The following KATNIP variants were observed in gnomAD, a reference collection of about 807,000 sequenced individuals.
The protein encoded by KATNIP is katanin interacting protein.
KATNIP carries 126 observed loss-of-function variants against 174.0 expected under a neutral mutation model. That is an observed-to-expected ratio of 0.72 (90% CI 0.63 to 0.84). KATNIP has a LOEUF of 0.84. Among genes scored for constraint, KATNIP ranks in the 40% least tolerant of loss-of-function variants. The pLI is 0.00. For synonymous variants in KATNIP, 810 were observed against 835.7 expected (o/e 0.97, Z 0.53); for missense variants, 1,958 against 2,109.7 (o/e 0.93, Z 1.41).
Position 27,618,539 on chromosome 16 carries a change from C to T in KATNIP, c.140+38C>T, listed in dbSNP as rs368000379. On this transcript the variant is annotated intron_variant, in intron 3 of 27. Coordinates refer to ENST00000261588, the MANE Select transcript of KATNIP (RefSeq NM_015202.5). ...ACTCGACGGCAGCCCTTGATATTAG[C>T]GAAGTAAAAATCTATTTAGATTTAT... 5.7e-4 allele frequency: 818 copies of T among 1,436,238 alleles called. 2 individuals are homozygous for T. The highest frequency in any genetic ancestry group is 7.2e-4 in the South Asian group (63 of 87,230). 89.0% of individuals were successfully genotyped at this position (1,436,238 alleles called of 1,614,324 possible).
chr16:27,775,476 C>T (rs1249442372), intron 24 of KATNIP, among the ~76,000 whole-genome samples: 1 of 152,230 alleles, frequency 6.6e-6, no homozygotes, highest in Non-Finnish European at 1.5e-5. Flanking sequence ...ACGGTTTCTG[C>T]CCCTTCCTAC....
intron 3 of KATNIP, among the ~76,000 whole-genome samples, chr16:27,620,694 G>A (rs994344969): frequency 2.6e-5 from 4 of 152,214 alleles, no homozygotes; most frequent in African/African-American, 9.7e-5. Flanking sequence ...CATTGAGGGA[G>A]ATGAAAACCC....
intron 14 of KATNIP, among the ~76,000 whole-genome samples, chr16:27,737,195 T>C (rs2080927866): frequency 6.6e-6 from 1 of 151,892 alleles, no homozygotes; most frequent in Admixed American, 6.6e-5. Context: ...CTGGACAACA[T>C]AGTGAGACCC....
chr16:27,650,277 G>C (rs2077080568), intron 6 of KATNIP, among the ~76,000 whole-genome samples: 1 of 152,200 alleles, frequency 6.6e-6, no homozygotes, highest in Non-Finnish European at 1.5e-5. Flanking sequence ...CAAGGAGCAG[G>C]ATGCAGGCAC....
At chr16:27,749,027 C>T (rs1418215799) in intron 15 of KATNIP, among the ~76,000 whole-genome samples, 3 of 152,266 alleles carry the variant, frequency 2.0e-5, no homozygotes, top group South Asian at 4.1e-4. Context: ...TTTGAAAACA[C>T]CGTTAGAGTC....
At chr16:27,556,524 C>G (rs2089635415) in intron 1 of KATNIP, among the ~76,000 whole-genome samples, 1 of 152,176 alleles carries the variant, frequency 6.6e-6, no homozygotes. Context: ...CACTGCTCCC[C>G]TAGAGCAAAT....
At chr16:27,658,167 A>G (rs899806863) in intron 6 of KATNIP, among the ~76,000 whole-genome samples, 1 of 152,204 alleles carries the variant, frequency 6.6e-6, no homozygotes, top group Non-Finnish European at 1.5e-5. Flanking sequence ...GCACTCAGCC[A>G]TTGTTCCCTT....
At chr16:27,653,481 T>TGAAG (rs1482561337) in intron 6 of KATNIP, among the ~76,000 whole-genome samples, 1 of 151,870 alleles carries the variant, frequency 6.6e-6, no homozygotes, top group Admixed American at 6.6e-5. Context: ...TTCGTTCCAG[T>TGAAG]GATGAGACTT....
intron 6 of KATNIP, among the ~76,000 whole-genome samples, chr16:27,671,464 A>G (rs1181349293): frequency 6.6e-6 from 1 of 152,232 alleles, no homozygotes; most frequent in Non-Finnish European, 1.5e-5. Flanking sequence ...TCTCTCATTG[A>G]TAACCATGTG....
chr16:27,648,829 T>G (rs2077039736), intron 6 of KATNIP, 94 bp downstream of exon 6: 11 of 1,350,096 alleles, frequency 8.1e-6, no homozygotes, highest in Middle Eastern at 2.5e-4. Flanking sequence ...GACAGTTATT[T>G]ATTCTGTCCT....
At chr16:27,667,126 G>T (rs1355779792) in intron 6 of KATNIP, among the ~76,000 whole-genome samples, 1 of 152,100 alleles carries the variant, frequency 6.6e-6, no homozygotes, top group Non-Finnish European at 1.5e-5. Flanking sequence ...TTCGAGACCA[G>T]CCTGGGCAAC....
At chr16:27,593,397 C>T (rs891243848) in intron 2 of KATNIP, among the ~76,000 whole-genome samples, 3 of 152,108 alleles carry the variant, frequency 2.0e-5, no homozygotes, top group Non-Finnish European at 4.4e-5. Flanking sequence ...CACCACCACG[C>T]CCAACTAATT....
intron 14 of KATNIP, 60 bp downstream of exon 14, chr16:27,721,755 T>G (rs1567349047): frequency 1.3e-6 from 2 of 1,580,856 alleles, no homozygotes; most frequent in East Asian, 4.5e-5. Context: ...CTTAGCAGTT[T>G]GCCAATAGCC....
At chr16:27,676,162 G>T (rs980299959) in intron 6 of KATNIP, among the ~76,000 whole-genome samples, 2 of 152,146 alleles carry the variant, frequency 1.3e-5, no homozygotes, top group African/African-American at 4.8e-5. Flanking sequence ...AGCAGCAGGA[G>T]AAAAACAGAC....
At chr16:27,590,537 G>A (rs1166575123) in intron 2 of KATNIP, among the ~76,000 whole-genome samples, 2 of 152,144 alleles carry the variant, frequency 1.3e-5, no homozygotes, top group Admixed American at 6.6e-5. Flanking sequence ...AACTTGCTGC[G>A]AGAAGTAAGA....
intron 6 of KATNIP, among the ~76,000 whole-genome samples, chr16:27,651,330 T>C (rs2142362533): frequency 6.6e-6 from 1 of 152,196 alleles, no homozygotes; most frequent in Non-Finnish European, 1.5e-5. Context: ...GGCTTCACAG[T>C]CAATTTCCTC....
intron 20 of KATNIP, 125 bp downstream of exon 20, chr16:27,766,599 G>T: frequency 3.1e-6 from 3 of 959,568 alleles, no homozygotes; most frequent in Non-Finnish European, 4.6e-6. Context: ...AGCTGGGGGC[G>T]TTATGTCCAG....
At chr16:27,602,321 C>G (rs1399435553) in intron 2 of KATNIP, among the ~76,000 whole-genome samples, 1 of 152,166 alleles carries the variant, frequency 6.6e-6, no homozygotes, top group African/African-American at 2.4e-5. Context: ...TTCCCGGCCG[C>G]CTCAGCATCA....
At chr16:27,747,240 A>G (rs962223157) in intron 15 of KATNIP, among the ~76,000 whole-genome samples, 10 of 152,232 alleles carry the variant, frequency 6.6e-5, no homozygotes, top group African/African-American at 1.9e-4. Context: ...AGCAGGAGGT[A>G]TCAAATGGAA....
Sources: allele counts gnomAD v4.1 joint callset (sites outside exome capture counted in the v4.1 genomes callset), GRCh38; gene constraint gnomAD v4.1.1; transcripts MANE v1.5; gene names NCBI Gene and HGNC (gene_info 2026-07-23, HGNC 2026-07-21).